The following SFXN5 variants were observed in gnomAD, a reference collection of about 807,000 sequenced individuals.
The protein encoded by SFXN5 is sideroflexin-5.
A neutral mutation model predicts 50.2 loss-of-function variants in SFXN5; 43 were observed. That is an observed-to-expected ratio of 0.86 (90% CI 0.67 to 1.11). The LOEUF (loss-of-function observed/expected upper bound fraction) is 1.11. Ranked by LOEUF, SFXN5 falls within the 50% of genes least tolerant of loss-of-function variation. SFXN5 has a pLI of 0.00. For synonymous variants in SFXN5, 203 were observed against 185.8 expected (o/e 1.09, Z -0.75); for missense variants, 463 against 454.1 (o/e 1.02, Z -0.18).
At chr2:72,976,296 T>TA (rs200993462) in intron 10 of SFXN5, among the ~76,000 whole-genome samples, 12,022 of 145,336 alleles carry the variant, frequency 0.083, 544 homozygotes, top group East Asian at 0.16. Flanking sequence ...ACCCAAAAAG[T>TA]AAAAAAAAAA....
rs1679534567 is a variant in SFXN5, at chr2:73,040,861, T to C, written c.242A>G (p.Asn81Ser). The part of the protein sequence containing the change: ...KHGTLRPGVT[N>S]EQLWSAQKIK... Reference sequence around the variant, plus strand: ...CACCTCCCACAGAGTTACCTGTTCATTGGTGACCCCCGGGCGCAGGGTCCC... The same window carrying C: ...CACCTCCCACAGAGTTACCTGTTCACTGGTGACCCCCGGGCGCAGGGTCCC... The change falls in exon 3 of 14, where the codon AAT becomes AGT. Residue 81 changes from asparagine to serine, a missense_variant. Transcript: ENST00000272433. 3.7e-6 allele frequency: 6 copies of C among 1,611,994 alleles called. No individual in the cohort carries two copies. Among genetic ancestry groups the C allele is most frequent in the Non-Finnish European group, 4.2e-6 (5 of 1,179,144 alleles).
intron 3 of SFXN5, among the ~76,000 whole-genome samples, chr2:73,030,575 G>A (rs760904487): frequency 6.6e-6 from 1 of 152,068 alleles, no homozygotes; most frequent in Non-Finnish European, 1.5e-5. Context: ...GGCAGCCATC[G>A]CCATCATCCA....
At position 73,023,173 on chromosome 2, in the gene SFXN5, C is replaced by G. The variant is rs1677114545; in HGVS notation, c.276+15G>C. On this transcript the variant is annotated intron_variant, in intron 4 of 13. Transcript: ENST00000272433. ...CAACACGGAGAAGGAAATAGAGAAT[C>G]CAAAACTGGATTACCTGCTTGATTT... 2.0e-5 allele frequency: 32 copies of G among 1,601,168 alleles called. No individual in the cohort carries two copies. The highest frequency in any genetic ancestry group is 2.7e-5 in the Non-Finnish European group (32 of 1,173,106).
intron 13 of SFXN5, among the ~76,000 whole-genome samples, chr2:72,955,242 T>C (rs1182801067): frequency 6.6e-6 from 1 of 151,252 alleles, no homozygotes; most frequent in Non-Finnish European, 1.5e-5. Context: ...AAACTGCTCC[T>C]AATTAGTTCC....
In SFXN5 at chr2:72,984,778, C is replaced by T. The variant is rs529165667; in HGVS notation, c.625+3480G>A. On this transcript the variant is annotated intron_variant, in intron 10 of 13. Transcript: ENST00000272433. Reference sequence around the variant, plus strand: ...TGAAGGAGGGTCTCGTCAGAGGCCTCGTTTCCAGATGAGGAGACAGCGGGT... The same window carrying T: ...TGAAGGAGGGTCTCGTCAGAGGCCTTGTTTCCAGATGAGGAGACAGCGGGT... Among the ~76,000 whole-genome samples, 70 of 152,184 alleles carry T rather than the reference C, an allele frequency of 4.6e-4. 1 individual carries two copies. The South Asian group carries it at 0.013, about 29-fold the overall frequency.
intron 10 of SFXN5, among the ~76,000 whole-genome samples, chr2:72,972,560 T>C (rs1334934397): frequency 6.6e-6 from 1 of 152,314 alleles, no homozygotes; most frequent in East Asian, 1.9e-4. Flanking sequence ...AGGGATCCTC[T>C]TTCTGCTCCC....
intron 10 of SFXN5, chr2:72,981,123 G>C (rs533573241): frequency 6.6e-6 from 1 of 152,276 alleles, no homozygotes; most frequent in East Asian, 1.9e-4. Flanking sequence ...AAATCCAGGA[G>C]TCAGGCAGCT....
At chr2:73,035,287 G>A (rs1457095038) in intron 3 of SFXN5, among the ~76,000 whole-genome samples, 1 of 152,102 alleles carries the variant, frequency 6.6e-6, no homozygotes, top group South Asian at 2.1e-4. Flanking sequence ...GCATATACAA[G>A]TGTACAGATC....
chr2:72,955,617 G>A (rs1295350774), intron 13 of SFXN5, among the ~76,000 whole-genome samples: 1 of 152,246 alleles, frequency 6.6e-6, no homozygotes, highest in African/African-American at 2.4e-5. Flanking sequence ...TCATTAAACA[G>A]GATTGGAAGT....
chr2:73,060,702 TC>T (rs1217220718), intron 1 of SFXN5, among the ~76,000 whole-genome samples: 1 of 134,550 alleles, frequency 7.4e-6, no homozygotes, highest in Admixed American at 7.1e-5. Flanking sequence ...ATGTCCTTGT[TC>T]TTTTTTTTTT....
intron 13 of SFXN5, among the ~76,000 whole-genome samples, chr2:72,956,712 G>T (rs1341966148): frequency 6.6e-6 from 1 of 152,106 alleles, no homozygotes; most frequent in Non-Finnish European, 1.5e-5. Context: ...ACCACAGCCA[G>T]GTAGCCCCCT....
intron 6 of SFXN5, among the ~76,000 whole-genome samples, chr2:73,006,603 C>G (rs1344521577): frequency 6.6e-6 from 1 of 150,424 alleles, no homozygotes; most frequent in African/African-American, 2.4e-5. Flanking sequence ...GCCTGGGCGA[C>G]AGAGCCCAAA....
intron 13 of SFXN5, among the ~76,000 whole-genome samples, chr2:72,955,263 G>A (rs1214782744): frequency 1.5e-5 from 2 of 134,452 alleles, no homozygotes; most frequent in African/African-American, 4.1e-5. Flanking sequence ...CTGTCACCAC[G>A]GCTGGCTCGC....
At chr2:73,052,558 T>G (rs868261635) in intron 2 of SFXN5, among the ~76,000 whole-genome samples, 1 of 149,462 alleles carries the variant, frequency 6.7e-6, no homozygotes, top group Non-Finnish European at 1.5e-5. Flanking sequence ...TAGTTTCAGA[T>G]TGTGACACGA....
chr2:73,024,066 A>G (rs2105844835), intron 3 of SFXN5, among the ~76,000 whole-genome samples: 1 of 152,168 alleles, frequency 6.6e-6, no homozygotes, highest in South Asian at 2.1e-4. Flanking sequence ...TTCATTTTAC[A>G]GATGTGATAA....
At chr2:72,999,411 T>G (rs573330701) in intron 8 of SFXN5, among the ~76,000 whole-genome samples, 29 of 152,176 alleles carry the variant, frequency 1.9e-4, no homozygotes, top group Non-Finnish European at 3.8e-4. Flanking sequence ...GAAATGCCAG[T>G]GTCAAGGCTC....
At chr2:73,034,044 G>A (rs1678649481) in intron 3 of SFXN5, among the ~76,000 whole-genome samples, 1 of 152,174 alleles carries the variant, frequency 6.6e-6, no homozygotes, top group South Asian at 2.1e-4. Context: ...TAATTTCACA[G>A]GTCACTCTGT....
chr2:72,945,179 C>A lies in SFXN5; in HGVS notation c.946-80G>T. Reference sequence around the variant, plus strand: ...GGGCTGGGAGCTGCAGTGAGGACCACCCTGGGCCCCAGAGCTCTGCCCCCT... The same window carrying A: ...GGGCTGGGAGCTGCAGTGAGGACCAACCTGGGCCCCAGAGCTCTGCCCCCT... On this transcript the variant is annotated intron_variant, in intron 13 of 13. Coordinates refer to ENST00000272433, the MANE Select transcript of SFXN5 (RefSeq NM_144579.3). This position sits in a 1 kb window ranked among gnomAD's most constrained non-coding sequence, Gnocchi z 5.8. 7.4e-7 allele frequency: 1 copy of A among 1,354,530 alleles called. No homozygotes were observed. Among genetic ancestry groups the A allele is most frequent in the Non-Finnish European group, 1.0e-6 (1 of 962,040 alleles). 83.9% of individuals were successfully genotyped at this position (1,354,530 alleles called of 1,614,324 possible). A position where few individuals can be genotyped will look rare whatever the true frequency, so the allele number is the denominator to read the frequency against.
intron 13 of SFXN5, among the ~76,000 whole-genome samples, chr2:72,948,586 G>GCAGGACCACGGCC (rs985277320): frequency 6.6e-6 from 1 of 152,244 alleles, no homozygotes; most frequent in East Asian, 1.9e-4. Flanking sequence ...GCACCACCAT[G>GCAGGACCACGGCC]CAGGACCACG....
Sources: allele counts gnomAD v4.1 joint callset (sites outside exome capture counted in the v4.1 genomes callset), GRCh38; gene constraint gnomAD v4.1.1; non-coding constraint Gnocchi (gnomAD v3.1); transcripts MANE v1.5; gene names NCBI Gene and HGNC (gene_info 2026-07-23, HGNC 2026-07-21).